The following ANKRD13C variants were observed in gnomAD, a reference collection of about 807,000 sequenced individuals.
ANKRD13C encodes the protein ankyrin repeat domain 13C, also known as ankyrin repeat domain-containing protein 13C.
ANKRD13C carries 16 observed loss-of-function variants against 65.5 expected under a neutral mutation model. The observed-to-expected ratio is 0.24, with a 90% CI of 0.17 to 0.37. The LOEUF is 0.37. Among genes scored for constraint, ANKRD13C ranks in the 10% least tolerant of loss-of-function variants. The pLI, the probability that ANKRD13C is intolerant of heterozygous loss-of-function variation, is 1.00. For missense variants in ANKRD13C, 503 were observed against 655.9 expected (o/e 0.77, Z 2.55); for synonymous variants, 235 against 238.7 (o/e 0.98, Z 0.14).
chr1:70,271,586 C>CTG (rs1349883272), intron 11 of ANKRD13C, among the ~76,000 whole-genome samples: 5 of 152,136 alleles, frequency 3.3e-5, no homozygotes, highest in African/African-American at 1.2e-4. Context: ...GAAATACTGA[C>CTG]AGATCACACT....
chr1:70,271,753 G>A (rs1452616047), intron 11 of ANKRD13C, among the ~76,000 whole-genome samples: 21 of 152,066 alleles, frequency 1.4e-4, no homozygotes, highest in Admixed American at 8.5e-4. Flanking sequence ...CCAATTTTTC[G>A]TGGAACCTAA....
intron 5 of ANKRD13C, among the ~76,000 whole-genome samples, chr1:70,307,128 A>C (rs1680621463): frequency 1.3e-5 from 2 of 152,200 alleles, no homozygotes; most frequent in South Asian, 4.1e-4. Flanking sequence ...GTGTTTTTAA[A>C]ATGGGTGATA....
chr1:70,299,543 A>C (rs956752059), intron 7 of ANKRD13C, among the ~76,000 whole-genome samples: 2 of 152,226 alleles, frequency 1.3e-5, no homozygotes, highest in Non-Finnish European at 2.9e-5. Context: ...AAATTACAGT[A>C]GTGACAGTGT....
intron 7 of ANKRD13C, among the ~76,000 whole-genome samples, chr1:70,296,988 GT>G (rs953928822): frequency 1.3e-5 from 2 of 152,132 alleles, no homozygotes; most frequent in Non-Finnish European, 2.9e-5. Flanking sequence ...AAAAAGGAAA[GT>G]TTTGTGCTTG....
chr1:70,269,469 C>T (rs909215390), intron 12 of ANKRD13C, among the ~76,000 whole-genome samples: 1 of 152,112 alleles, frequency 6.6e-6, no homozygotes, highest in African/African-American at 2.4e-5. Flanking sequence ...CTTAACAGTA[C>T]CTAGAAGGGA....
chr1:70,328,032 G>A (rs918764789), intron 2 of ANKRD13C, among the ~76,000 whole-genome samples: 5 of 151,754 alleles, frequency 3.3e-5, no homozygotes, highest in East Asian at 3.9e-4. Flanking sequence ...ACCACTGAGC[G>A]AGACTCCGAC....
intron 2 of ANKRD13C, among the ~76,000 whole-genome samples, chr1:70,328,505 A>T (rs1362445436): frequency 1.3e-5 from 2 of 152,194 alleles, no homozygotes; most frequent in Non-Finnish European, 2.9e-5. Context: ...TCTACTAAAA[A>T]TACACAAAGT....
intron 5 of ANKRD13C, among the ~76,000 whole-genome samples, chr1:70,309,686 A>G (rs1056166707): frequency 6.8e-6 from 1 of 147,608 alleles, no homozygotes; most frequent in Non-Finnish European, 1.5e-5. Flanking sequence ...AGATCGCGCT[A>G]GCCTGGGCGA....
At chr1:70,321,424 C>T (rs77022036) in intron 3 of ANKRD13C, among the ~76,000 whole-genome samples, 2,153 of 152,228 alleles carry the variant, frequency 0.014, 24 homozygotes, top group Non-Finnish European at 0.021. Context: ...AGATGGCAAA[C>T]CAATATGAAC....
At chr1:70,317,058 A>G (rs1254206233) in intron 3 of ANKRD13C, among the ~76,000 whole-genome samples, 2 of 6,006 alleles carry the variant, frequency 3.3e-4, no homozygotes, top group African/African-American at 6.2e-4. Flanking sequence ...AGCTTGGACT[A>G]GATTTTTTTT....
intron 9 of ANKRD13C, among the ~76,000 whole-genome samples, chr1:70,286,458 T>G (rs541411209): frequency 9.3e-4 from 141 of 152,218 alleles, no homozygotes; most frequent in Non-Finnish European, 1.5e-3. Context: ...AAAATAAGAC[T>G]AATTTTTTTT....
intron 1 of ANKRD13C, among the ~76,000 whole-genome samples, chr1:70,340,047 A>C (rs1682243197): frequency 6.6e-6 from 1 of 151,606 alleles, no homozygotes; most frequent in Admixed American, 6.6e-5. Flanking sequence ...GAGATGTCTC[A>C]CTATGCTGCC....
At chr1:70,309,669 T>C (rs1159197081) in intron 5 of ANKRD13C, among the ~76,000 whole-genome samples, 1 of 144,976 alleles carries the variant, frequency 6.9e-6, no homozygotes, top group African/African-American at 2.5e-5. Context: ...GAGCTTGCAG[T>C]GAGCCGAGAT....
intron 1 of ANKRD13C, among the ~76,000 whole-genome samples, chr1:70,346,451 C>T (rs1682529478): frequency 6.6e-6 from 1 of 152,002 alleles, no homozygotes; most frequent in Non-Finnish European, 1.5e-5. Flanking sequence ...AAAATGTCTG[C>T]AGTGAAAAAG....
intron 5 of ANKRD13C, among the ~76,000 whole-genome samples, chr1:70,310,945 A>G (rs914422276): frequency 3.3e-5 from 5 of 152,228 alleles, no homozygotes; most frequent in African/African-American, 9.6e-5. Context: ...TGAATGATAT[A>G]TAAGGCATAA....
At chr1:70,275,590 G>A (rs1274289743) in intron 10 of ANKRD13C, among the ~76,000 whole-genome samples, 1 of 151,574 alleles carries the variant, frequency 6.6e-6, no homozygotes, top group Admixed American at 6.6e-5. Flanking sequence ...ATTCTGGTTT[G>A]GTATGGTCTG....
At chr1:70,308,188 G>A (rs1260244730) in intron 5 of ANKRD13C, among the ~76,000 whole-genome samples, 1 of 151,810 alleles carries the variant, frequency 6.6e-6, no homozygotes, top group African/African-American at 2.4e-5. Flanking sequence ...AAAGACGGGG[G>A]TCTCCCTATA....
chr1:70,328,493 T>G (rs1252857767), intron 2 of ANKRD13C, among the ~76,000 whole-genome samples: 2 of 152,096 alleles, frequency 1.3e-5, no homozygotes, highest in Admixed American at 6.6e-5. Context: ...TGAAACCCCA[T>G]CTCTACTAAA....
At chr1:70,353,623 G>A (rs1475208184) in intron 1 of ANKRD13C, among the ~76,000 whole-genome samples, 2 of 152,186 alleles carry the variant, frequency 1.3e-5, no homozygotes, top group African/African-American at 2.4e-5. Flanking sequence ...GTAGGGGGAA[G>A]AGAGAGAAAT....
Sources: gnomAD v4.1 joint callset for allele counts (sites outside exome capture counted in the v4.1 genomes callset) on GRCh38, gnomAD v4.1.1 for gene constraint, MANE v1.5 for transcripts, NCBI Gene and HGNC (gene_info 2026-07-23, HGNC 2026-07-21) for gene names.